The following TMEM154 variants were observed in gnomAD, a reference collection of about 807,000 sequenced individuals.
TMEM154 encodes the protein transmembrane protein 154.
A neutral mutation model predicts 24.5 loss-of-function variants in TMEM154; 27 were observed. The ratio of observed to expected loss-of-function variants is 1.10; its 90% CI spans 0.81 to 1.52. The LOEUF (loss-of-function observed/expected upper bound fraction) is 1.52, where lower values mean the gene tolerates loss of function less well. Ranked by LOEUF, TMEM154 falls within the 40% of genes most tolerant of loss-of-function variation. TMEM154 has a pLI of 0.00. For synonymous variants in TMEM154, 67 were observed against 76.8 expected, an observed-to-expected ratio of 0.87 and a Z score of 0.67; for missense variants, 228 against 213.4, an observed-to-expected ratio of 1.07 and a Z score of -0.43.
chr4:152,642,131 C>T (rs1432654375), intron 5 of TMEM154, among the ~76,000 whole-genome samples: 1 of 151,592 alleles, frequency 6.6e-6, no homozygotes, highest in Admixed American at 6.6e-5. Context: ...GTTGGCCAGG[C>T]TGGTTTCGAA....
chr4:152,647,094 T>C (rs1164336853), intron 3 of TMEM154: 1 of 1,096,860 alleles, frequency 9.1e-7, no homozygotes, highest in Non-Finnish European at 1.3e-6. Context: ...TCCAATCAGA[T>C]GAAGTGTTCT....
At chr4:152,660,387 A>G (rs1250605393) in intron 1 of TMEM154, among the ~76,000 whole-genome samples, 1 of 140,370 alleles carries the variant, frequency 7.1e-6, no homozygotes, top group Non-Finnish European at 1.5e-5. Flanking sequence ...CCCCCCCCTC[A>G]CTTTACTTCT....
intron 6 of TMEM154, among the ~76,000 whole-genome samples, chr4:152,631,329 T>C (rs1264615522): frequency 6.6e-6 from 1 of 152,256 alleles, no homozygotes; most frequent in Non-Finnish European, 1.5e-5. Flanking sequence ...TGTTACTCTT[T>C]TATTACCACA....
chr4:152,645,976 C>CAT (rs1357232415), intron 3 of TMEM154, among the ~76,000 whole-genome samples: 2 of 145,448 alleles, frequency 1.4e-5, no homozygotes, highest in African/African-American at 2.6e-5. Context: ...CACACACACA[C>CAT]ACAGACACCA....
chr4:152,633,652 A>G (rs1295660508), intron 6 of TMEM154, among the ~76,000 whole-genome samples: 1 of 152,136 alleles, frequency 6.6e-6, no homozygotes, highest in Non-Finnish European at 1.5e-5. Context: ...CAATTTTTCT[A>G]GGAATGTTAG....
chr4:152,675,417 C>A (rs1377934875), intron 1 of TMEM154, among the ~76,000 whole-genome samples: 1 of 152,014 alleles, frequency 6.6e-6, no homozygotes, highest in Non-Finnish European at 1.5e-5. Context: ...CTCCTGCGGT[C>A]GCGAGTTTGA....
rs577237261 is a variant in TMEM154, at chr4:152,664,378, G to C, written c.65-11451C>G. 2.6e-3 allele frequency among the ~76,000 whole-genome samples: 283 copies of C among 110,704 alleles called. 1 individual carries two copies. Among genetic ancestry groups the C allele is most frequent in the Non-Finnish European group, 3.5e-3 (198 of 56,344 alleles). The allele number at this position is 110,704 out of a possible 152,430, so 72.6% of individuals were successfully genotyped here. ...AACACACACTGGGGCCTGTCGTGGC[G>C]GGGGGGTACAAGGGGAGGGAGAGCA... On this transcript the variant is annotated intron_variant, in intron 1 of 6. Transcript: ENST00000304385.
chr4:152,666,998 A>C (rs1485232352), intron 1 of TMEM154: 1 of 152,266 alleles, frequency 6.6e-6, no homozygotes, highest in Non-Finnish European at 1.5e-5. Context: ...AGTGCTCTGC[A>C]CTTTACTTTT....
intron 6 of TMEM154, among the ~76,000 whole-genome samples, chr4:152,629,633 C>T (rs1466009898): frequency 2.6e-5 from 4 of 152,150 alleles, no homozygotes; most frequent in Non-Finnish European, 5.9e-5. Flanking sequence ...TTGAAGTGAC[C>T]TCTGCTTCCA....
chr4:152,654,829 G>A (rs1188195002), intron 1 of TMEM154, among the ~76,000 whole-genome samples: 2 of 152,122 alleles, frequency 1.3e-5, no homozygotes, highest in Non-Finnish European at 2.9e-5. Context: ...TGCAGTCTGT[G>A]GTATTTTGTT....
chr4:152,627,864 G>A lies in TMEM154; in HGVS notation c.*682C>T, dbSNP rs1318860070. The A allele has an allele frequency of 6.6e-6, 1 of 152,226 alleles. No homozygotes were observed. The highest frequency in any genetic ancestry group is 1.5e-5 in the Non-Finnish European group (1 of 68,072). The allele number at this position is 152,226 out of a possible 1,614,324, so 9.4% of individuals were successfully genotyped here. A position where few individuals can be genotyped will look rare whatever the true frequency, so the allele number is the denominator to read the frequency against. On this transcript the variant is annotated 3_prime_UTR_variant, in exon 7 of 7. Transcript: ENST00000304385. The stretch of plus-strand genomic sequence containing the variant: ...TTCACTGAAGATTCCTAGTTTCTCT[G>A]AGAAGTTCTTAAGGGTGACCAGACC...
At chr4:152,641,053 A>G (rs1266116388) in intron 5 of TMEM154, 68 bp from the exon 6 acceptor site, 3 of 1,444,344 alleles carry the variant, frequency 2.1e-6, no homozygotes, top group Non-Finnish European at 2.9e-6. Context: ...CAAACCTGAT[A>G]CAGTTAAATA....
chr4:152,629,224 G>A (rs770543308), intron 6 of TMEM154, among the ~76,000 whole-genome samples: 4 of 152,154 alleles, frequency 2.6e-5, no homozygotes, highest in Non-Finnish European at 4.4e-5. Context: ...CATTCTCTAC[G>A]AATACGTGCC....
chr4:152,643,848 G>C (rs1752303522), intron 4 of TMEM154, among the ~76,000 whole-genome samples: 1 of 152,090 alleles, frequency 6.6e-6, no homozygotes, highest in Non-Finnish European at 1.5e-5. Flanking sequence ...TTGGAAGATG[G>C]GGAGGATATG....
chr4:152,628,242 T>C lies in TMEM154; in HGVS notation c.*304A>G, dbSNP rs1410607937. On this transcript the variant is annotated 3_prime_UTR_variant, in exon 7 of 7. Transcript: ENST00000304385. ...CAGAGTGAGTTCAGTGAGCTAGAAG[T>C]TGGCTGAGAGGAGGCAACACATGTT... 3 of 471,596 alleles carry C rather than the reference T, an allele frequency of 6.4e-6. No homozygotes were observed. The highest frequency in any genetic ancestry group is 7.9e-5 in the East Asian group (2 of 25,282). 29.2% of individuals were successfully genotyped at this position (471,596 alleles called of 1,614,324 possible).
intron 6 of TMEM154, among the ~76,000 whole-genome samples, chr4:152,631,354 T>C (rs977069515): frequency 5.9e-5 from 9 of 152,250 alleles, no homozygotes. Context: ...ATAAACCTTT[T>C]ACAAAGCTTA....
Position 152,626,828 on chromosome 4 carries a change from C to G in TMEM154, c.*1718G>C, listed in dbSNP as rs1480297814. 6.6e-6 allele frequency: 1 copy of G among 152,040 alleles called. No homozygotes were observed. The highest frequency in any genetic ancestry group is 2.4e-5 in the African/African-American group (1 of 41,394). 9.4% of individuals were successfully genotyped at this position (152,040 alleles called of 1,614,324 possible). A position where few individuals can be genotyped will look rare whatever the true frequency, so the allele number is the denominator to read the frequency against. On this transcript the variant is annotated 3_prime_UTR_variant, in exon 7 of 7. Transcript: ENST00000304385. ...ACAAACTGAAAGTAGCACACATAGG[C>G]AGAAAAATAGACAAGTTATGATTCA... is the stretch of plus-strand genomic sequence containing the variant.
At chr4:152,658,450 C>T (rs780054644) in intron 1 of TMEM154, among the ~76,000 whole-genome samples, 2 of 151,936 alleles carry the variant, frequency 1.3e-5, no homozygotes, top group Non-Finnish European at 2.9e-5. Context: ...CAGAGCAGAA[C>T]TAAATGAAAT....
intron 1 of TMEM154, among the ~76,000 whole-genome samples, chr4:152,656,749 C>T (rs189006307): frequency 6.6e-4 from 100 of 152,044 alleles, no homozygotes; most frequent in Admixed American, 1.8e-3. Flanking sequence ...TGGAGAAACC[C>T]CATCTCTACG....
Sources: gnomAD v4.1 joint callset for allele counts (sites outside exome capture counted in the v4.1 genomes callset) on GRCh38, gnomAD v4.1.1 for gene constraint, MANE v1.5 for transcripts, NCBI Gene and HGNC (gene_info 2026-07-23, HGNC 2026-07-21) for gene names.